IQUB: variants seen among roughly 807,000 people sequenced by gnomAD.
IQUB encodes the protein IQ motif and ubiquitin domain containing.
IQUB carries 86 observed loss-of-function variants against 86.4 expected under a neutral mutation model. That is an observed-to-expected ratio of 1.00 (90% CI 0.84 to 1.19). The LOEUF (loss-of-function observed/expected upper bound fraction) is 1.19. IQUB is among the 50% of genes most tolerant of loss of function. The pLI, the probability that IQUB is intolerant of heterozygous loss-of-function variation, is 0.00. For missense variants in IQUB, 946 were observed against 916.9 expected, an observed-to-expected ratio of 1.03 and a Z score of -0.41; for synonymous variants, 289 against 304.5, an observed-to-expected ratio of 0.95 and a Z score of 0.53.
At chr7:123,487,625 TG>T (rs1449899501) in intron 7 of IQUB, among the ~76,000 whole-genome samples, 1 of 152,240 alleles carries the variant, frequency 6.6e-6, no homozygotes, top group Admixed American at 6.5e-5. Context: ...AAACTATGCT[TG>T]TGTTTAATCT....
chr7:123,507,028 A>C (rs1437066863), intron 3 of IQUB, among the ~76,000 whole-genome samples: 5 of 152,208 alleles, frequency 3.3e-5, no homozygotes, highest in Non-Finnish European at 7.3e-5. Flanking sequence ...GTGTCATGGA[A>C]ACTTTATTGA....
chr7:123,515,677 G>A (rs1796606539), intron 1 of IQUB, among the ~76,000 whole-genome samples: 1 of 152,088 alleles, frequency 6.6e-6, no homozygotes. Context: ...TATAAAAATG[G>A]AATTTCAAAT....
intron 12 of IQUB, 50 bp from the exon 13 acceptor site, chr7:123,452,975 C>T: frequency 6.8e-7 from 1 of 1,470,178 alleles, no homozygotes; most frequent in Non-Finnish European, 9.2e-7. Flanking sequence ...TATATTTTGC[C>T]AGGTAAAAAT....
intron 1 of IQUB, chr7:123,532,287 GTTCA>G (rs1421661934): frequency 5.9e-5 from 9 of 151,902 alleles, no homozygotes; most frequent in Non-Finnish European, 1.3e-4. Flanking sequence ...AATATTAGGC[GTTCA>G]TTTAAATATT....
At chr7:123,452,990 T>A in intron 12 of IQUB, 65 bp from the exon 13 acceptor site, 1 of 1,253,098 alleles carries the variant, frequency 8.0e-7, no homozygotes, top group Non-Finnish European at 1.1e-6. Context: ...AAAAATACTG[T>A]CATGCCTCGG....
chr7:123,534,323 G>T lies in IQUB; in HGVS notation c.-5+169C>A, dbSNP rs536583657. 8.3e-4 allele frequency among the ~76,000 whole-genome samples: 126 copies of T among 152,286 alleles called. 1 individual carries two copies. Among genetic ancestry groups the T allele is most frequent in the Middle Eastern group, 3.4e-3 (1 of 294 alleles). ...CCGAGAAAGATGAGATGCTTCGCAC[G>T]GTTTTTAAAGTAAAGTCGGAACATT... On this transcript the variant is annotated intron_variant, in intron 1 of 12. Transcript: ENST00000324698.
intron 1 of IQUB, among the ~76,000 whole-genome samples, chr7:123,517,548 A>G (rs543019479): frequency 4.9e-4 from 73 of 150,080 alleles, no homozygotes; most frequent in Admixed American, 2.2e-3. Context: ...AAAAAAAAAA[A>G]AAAAAAAAAG....
chr7:123,510,485 AT>A (rs1268972182), intron 2 of IQUB, among the ~76,000 whole-genome samples: 2 of 152,114 alleles, frequency 1.3e-5, no homozygotes, highest in Non-Finnish European at 2.9e-5. Flanking sequence ...ATACTTACAC[AT>A]TAAAAAATTT....
intron 1 of IQUB, among the ~76,000 whole-genome samples, chr7:123,516,138 G>C (rs933982558): frequency 6.6e-6 from 1 of 152,030 alleles, no homozygotes; most frequent in African/African-American, 2.4e-5. Context: ...GGGAAAAAAA[G>C]TGTGCTATTA....
At chr7:123,476,792 G>A (rs1382137407) in intron 8 of IQUB, among the ~76,000 whole-genome samples, 1 of 151,612 alleles carries the variant, frequency 6.6e-6, no homozygotes, top group African/African-American at 2.4e-5. Context: ...AGGACACCAG[G>A]GCAGAGCTTT....
At chr7:123,462,824 T>G (rs1293654345) in intron 10 of IQUB, 1 of 455,424 alleles carries the variant, frequency 2.2e-6, no homozygotes. Flanking sequence ...AAAGATATTC[T>G]CCACCCATCT....
chr7:123,453,124 C>A (rs936213109), intron 12 of IQUB, among the ~76,000 whole-genome samples, 199 bp from the exon 13 acceptor site: 1 of 151,762 alleles, frequency 6.6e-6, no homozygotes, highest in Admixed American at 6.6e-5. Context: ...CTCCCTCTGA[C>A]TTCTCTAAGT....
At chr7:123,470,860 A>G (rs1794489199) in intron 8 of IQUB, among the ~76,000 whole-genome samples, 1 of 152,062 alleles carries the variant, frequency 6.6e-6, no homozygotes, top group African/African-American at 2.4e-5. Flanking sequence ...CAAAAAAAAA[A>G]AAGAAAAAAG....
At chr7:123,511,094 C>T (rs1006299772) in intron 2 of IQUB, among the ~76,000 whole-genome samples, 4 of 152,068 alleles carry the variant, frequency 2.6e-5, no homozygotes, top group African/African-American at 9.7e-5. Flanking sequence ...ACTGGGCTTA[C>T]GTAGTTTTCT....
chr7:123,466,340 A>T (rs953575959), intron 9 of IQUB, among the ~76,000 whole-genome samples: 1 of 152,026 alleles, frequency 6.6e-6, no homozygotes, highest in Non-Finnish European at 1.5e-5. Flanking sequence ...TGGCCTTTTT[A>T]TTACTGGTCC....
At chr7:123,461,319 A>C (rs1185205448) in intron 11 of IQUB, 38 bp downstream of exon 11, 1 of 1,561,178 alleles carries the variant, frequency 6.4e-7, no homozygotes, top group Non-Finnish European at 8.7e-7. Context: ...CCTCCTTGAC[A>C]AGCTTCAGCT....
chr7:123,523,972 A>G (rs1797048690), intron 1 of IQUB, among the ~76,000 whole-genome samples: 1 of 151,940 alleles, frequency 6.6e-6, no homozygotes, highest in Admixed American at 6.6e-5. Context: ...TCCTTTCCCC[A>G]TTGCTCGTTT....
chr7:123,519,655 G>A (rs370532572), intron 1 of IQUB, among the ~76,000 whole-genome samples: 2 of 152,280 alleles, frequency 1.3e-5, no homozygotes, highest in East Asian at 1.9e-4. Flanking sequence ...AAGGGCAGGA[G>A]GGAGGAAGGA....
At chr7:123,516,707 G>A (rs1427554784) in intron 1 of IQUB, among the ~76,000 whole-genome samples, 4 of 152,090 alleles carry the variant, frequency 2.6e-5, no homozygotes. Flanking sequence ...GAACAAGGGT[G>A]GGCTCCAGAA....
Sources: allele counts gnomAD v4.1 joint callset (sites outside exome capture counted in the v4.1 genomes callset), GRCh38; gene constraint gnomAD v4.1.1; transcripts MANE v1.5; gene names NCBI Gene and HGNC (gene_info 2026-07-23, HGNC 2026-07-21).